The following COL11A2 variants were observed in gnomAD, a reference collection of about 807,000 sequenced individuals.
The protein encoded by COL11A2 is collagen alpha-2(XI) chain.
COL11A2 carries 116 observed loss-of-function variants against 273.4 expected under a neutral mutation model. The ratio of observed to expected loss-of-function variants is 0.42; its 90% CI spans 0.36 to 0.49. The LOEUF (loss-of-function observed/expected upper bound fraction) is 0.49. COL11A2 is among the 20% of genes least tolerant of loss of function. The probability of loss-of-function intolerance (pLI) is 0.00; values close to 1 mark genes in which losing one functional copy is unlikely to be tolerated. For synonymous variants in COL11A2, 782 were observed against 864.2 expected, an observed-to-expected ratio of 0.90 and a Z score of 1.67; for missense variants, 1,866 against 2,309.0, an observed-to-expected ratio of 0.81 and a Z score of 3.93.
chr6:33,171,455 G>T lies in COL11A2; in HGVS notation c.3258+12C>A, dbSNP rs1259307696. On this transcript the variant is annotated intron_variant, in intron 43 of 65. Coordinates refer to ENST00000341947, the MANE Select transcript of COL11A2 (RefSeq NM_080680.3). Reference sequence around the variant, plus strand: ...GAAAGAAGATTGGTCGGGGTCTGTGGGGTCCCCTCACCTTGTCTCCATCCT... The same window carrying T: ...GAAAGAAGATTGGTCGGGGTCTGTGTGGTCCCCTCACCTTGTCTCCATCCT... 1 of 1,613,076 alleles carries T rather than the reference G, an allele frequency of 6.2e-7. No individual in the cohort carries two copies. The highest frequency in any genetic ancestry group is 1.7e-5 in the Admixed American group (1 of 59,934).
chr6:33,172,168 G>C, intron 40 of COL11A2, 65 bp from the exon 41 acceptor site: 1 of 1,602,834 alleles, frequency 6.2e-7, no homozygotes, highest in Non-Finnish European at 8.5e-7. Flanking sequence ...GCTGGAGAGG[G>C]AAGACAGGCT....
Position 33,175,698 on chromosome 6 carries a change from G to A in COL11A2, c.2269-17C>T, listed in dbSNP as rs1770804414. 2 of 1,607,110 alleles carry A rather than the reference G, an allele frequency of 1.2e-6. No homozygotes were observed. The highest frequency in any genetic ancestry group is 1.7e-6 in the Non-Finnish European group (2 of 1,174,644). On this transcript the variant is annotated splice_polypyrimidine_tract_variant and intron_variant, in intron 29 of 65. Transcript: ENST00000341947. ...AACTTCGCCCTGTGTGAGAGGGAAGGACAGGTGAGTGCTGGGGACTGGAGG... is the reference window on the plus strand; with the variant it reads ...AACTTCGCCCTGTGTGAGAGGGAAGAACAGGTGAGTGCTGGGGACTGGAGG...
rs1562380065 is a variant in COL11A2 at position 33,185,762 on chromosome 6, T to C, written c.815A>G (p.Tyr272Cys). The C allele has an allele frequency of 3.0e-6, 4 of 1,345,100 alleles. No individual in the cohort carries two copies. Among genetic ancestry groups the C allele is most frequent in the African/African-American group, 1.6e-5 (1 of 63,586 alleles). The allele number at this position is 1,345,100 out of a possible 1,614,324, so 83.3% of individuals were successfully genotyped here. Residue 272 changes from tyrosine (Y) to cysteine (C), a missense_variant, in exon 6 of 66, where the codon TAC becomes TGC. By Grantham distance (194) the Tyr-to-Cys change is radical. Coordinates refer to ENST00000341947, the MANE Select transcript of COL11A2 (RefSeq NM_080680.3). Reference protein sequence around the residue: ...EPQSQPTESLYYDYEPPYYDV... With the variant: ...EPQSQPTESLCYDYEPPYYDV... The stretch of plus-strand genomic sequence containing the variant: ...ATAATAGGGGGGCTCGTAGTCATAG[T>C]AGAGAGACTCAGTGGGCTGGGATTG...
Position 33,178,740 on chromosome 6 carries a change from G to A in COL11A2, c.1666-8C>T. 2 of 1,612,748 alleles carry A rather than the reference G, an allele frequency of 1.2e-6. No individual in the cohort carries two copies. The highest frequency in any genetic ancestry group is 2.2e-5 in the South Asian group (2 of 91,078). On this transcript the variant is annotated splice_region_variant and splice_polypyrimidine_tract_variant and intron_variant, in intron 17 of 65. Transcript: ENST00000341947. This position sits in a 1 kb window ranked among gnomAD's most constrained non-coding sequence, Gnocchi z 4.6. Reference sequence around the variant, plus strand: ...ATCAAAACCTCGGTCACCCTAGGAGGAGGAAGGATAGCCAGAGTGAGGACA... The same window carrying A: ...ATCAAAACCTCGGTCACCCTAGGAGAAGGAAGGATAGCCAGAGTGAGGACA...
Position 33,169,956 on chromosome 6 carries a change from A to G in COL11A2, c.3637-72T>C. On this transcript the variant is annotated intron_variant, in intron 49 of 65. Transcript: ENST00000341947. The surrounding 1 kb of genome is among the most constrained non-coding windows in gnomAD (Gnocchi z 5.5). ...AAAATTCTGATATTCCCCACATCTCATTCTCTTTTGTCTCCCCACCCAAAA... is the reference window on the plus strand; with the variant it reads ...AAAATTCTGATATTCCCCACATCTCGTTCTCTTTTGTCTCCCCACCCAAAA... The G allele has an allele frequency of 1.2e-6, 2 of 1,611,674 alleles. No homozygotes were observed. Among genetic ancestry groups the G allele is most frequent in the Non-Finnish European group, 8.5e-7 (1 of 1,177,962 alleles).
chr6:33,192,206 A>C lies in COL11A2; in HGVS notation c.35T>G (p.Leu12Arg), dbSNP rs1189654522. ...ERCSRCHRLL[L>R]LLPLVLGLSA... is the part of the protein sequence containing the mutation. Reference sequence around the variant, plus strand: ...CAGCCCCAGCACCAGAGGTAGGAGGAGGAGGAGGCGATGGCAGCGGCTGCA... The same window carrying C: ...CAGCCCCAGCACCAGAGGTAGGAGGCGGAGGAGGCGATGGCAGCGGCTGCA... Residue 12 changes from leucine to arginine, a missense_variant, in exon 1 of 66, where the codon CTC becomes CGC. Transcript: ENST00000341947. The C allele has an allele frequency of 1.3e-6, 2 of 1,566,642 alleles. No homozygotes were observed. Among genetic ancestry groups the C allele is most frequent in the African/African-American group, 2.7e-5 (2 of 74,166 alleles).
Position 33,164,951 on chromosome 6 carries a change from G to A in COL11A2, c.4764C>T (p.Val1588=), listed in dbSNP as rs771029067. The change falls in exon 64 of 66, where the codon GTC becomes GTT. Residue 1588 remains valine, a synonymous_variant. Transcript: ENST00000341947. The surrounding 1 kb of genome is among the most constrained non-coding windows in gnomAD (Gnocchi z 4.7). ...CCCGAGCACAGCCCTGGTTGGGGTC[G>A]ACCCAGTACTCTCCTGTTGGGTGAG... ...HPELPDGEYW[V]DPNQGCARDA... is the part of the protein sequence containing the mutation. 6.3e-6 allele frequency: 10 copies of A among 1,574,874 alleles called. No individual in the cohort carries two copies. Among genetic ancestry groups the A allele is most frequent in the Middle Eastern group, 1.7e-4 (1 of 6,040 alleles).
chr6:33,172,204 A>C, intron 40 of COL11A2, 85 bp downstream of exon 40: 2 of 1,270,198 alleles, frequency 1.6e-6, no homozygotes, highest in Non-Finnish European at 2.3e-6. Context: ...GGGGAGTGAC[A>C]TGGAGGGGGT....
intron 8 of COL11A2, 55 bp downstream of exon 8, chr6:33,184,090 A>T: frequency 7.4e-7 from 1 of 1,342,802 alleles, no homozygotes; most frequent in South Asian, 1.1e-5. Flanking sequence ...ACAAGAAGCA[A>T]TTCTTGTAGC....
At position 33,169,053 on chromosome 6, in the gene COL11A2, C is replaced by G. The variant is rs1478674500; in HGVS notation, c.3799-45G>C. On this transcript the variant is annotated intron_variant, in intron 51 of 65. Coordinates refer to ENST00000341947, the MANE Select transcript of COL11A2 (RefSeq NM_080680.3). The surrounding 1 kb of genome is among the most constrained non-coding windows in gnomAD (Gnocchi z 5.5). The stretch of plus-strand genomic sequence containing the variant: ...AGAGTCAGGGTCACAGCTCCCTAAG[C>G]CCACCCAGCACAGACGCCCACAGGC... 2 of 1,572,896 alleles carry G rather than the reference C, an allele frequency of 1.3e-6. No individual in the cohort carries two copies. The highest frequency in any genetic ancestry group is 4.5e-5 in the East Asian group (2 of 44,548).
At position 33,169,017 on chromosome 6, in the gene COL11A2, G is replaced by C. The variant is rs762361602; in HGVS notation, c.3799-9C>G. On this transcript the variant is annotated splice_polypyrimidine_tract_variant and intron_variant, in intron 51 of 65. Coordinates refer to ENST00000341947, the MANE Select transcript of COL11A2 (RefSeq NM_080680.3). The surrounding 1 kb of genome is among the most constrained non-coding windows in gnomAD (Gnocchi z 5.5). ...GGAAAACCAACAGGACCCTGATCCA[G>C]ATGGAGAATAAGAGTCAGGGTCACA... is the stretch of plus-strand genomic sequence containing the variant. 1.9e-6 allele frequency: 3 copies of C among 1,605,500 alleles called. No homozygotes were observed. The South Asian group carries it at 3.3e-5, about 18-fold the overall frequency.
rs1768708495 is a variant in COL11A2, at chr6:33,163,953, G to C, written c.5071-135C>G. 2 of 1,341,786 alleles carry C rather than the reference G, an allele frequency of 1.5e-6. No homozygotes were observed. Among genetic ancestry groups the C allele is most frequent in the Non-Finnish European group, 2.1e-6 (2 of 947,852 alleles). The allele number at this position is 1,341,786 out of a possible 1,614,324, so 83.1% of individuals were successfully genotyped here. A position where few individuals can be genotyped will look rare whatever the true frequency, so the allele number is the denominator to read the frequency against. On this transcript the variant is annotated intron_variant, in intron 65 of 65. Transcript: ENST00000341947. The surrounding 1 kb of genome is among the most constrained non-coding windows in gnomAD (Gnocchi z 4.1). ...GACTCAGGATGTACAGACTGGCAGT[G>C]TCTATGTGCCCATGCGTGTGTGTTT...
chr6:33,171,937 G>T, intron 41 of COL11A2, 113 bp downstream of exon 41: 1 of 1,536,470 alleles, frequency 6.5e-7, no homozygotes, highest in Non-Finnish European at 9.0e-7. Context: ...GCTGTCCCTG[G>T]ACAGCCTCTG....
rs148243956 is a variant in COL11A2 at position 33,178,361 on chromosome 6, G to A, written c.1774-9C>T. The A allele has an allele frequency of 2.9e-4, 474 of 1,612,808 alleles. 1 individual carries two copies. In the African/African-American group the frequency reaches 5.3e-3, roughly 18 times the overall value. ...ATCTCCCCGTCATCTCCCTGGAGGAGGAGGACACGGTAAAGCTGCTGTGCC... is the reference window on the plus strand; with the variant it reads ...ATCTCCCCGTCATCTCCCTGGAGGAAGAGGACACGGTAAAGCTGCTGTGCC... On this transcript the variant is annotated splice_polypyrimidine_tract_variant and intron_variant, in intron 19 of 65. Coordinates refer to ENST00000341947, the MANE Select transcript of COL11A2 (RefSeq NM_080680.3). The surrounding 1 kb of genome is among the most constrained non-coding windows in gnomAD (Gnocchi z 4.6).
chr6:33,175,367 C>G (rs148787484), intron 30 of COL11A2: 2 of 691,664 alleles, frequency 2.9e-6, no homozygotes, highest in Non-Finnish European at 5.3e-6. Context: ...CCGTCCAACT[C>G]TTCGTGTCAG....
Position 33,173,775 on chromosome 6 carries a change from G to C in COL11A2, c.2584-30C>G, listed in dbSNP as rs763840966. On this transcript the variant is annotated intron_variant, in intron 34 of 65. Coordinates refer to ENST00000341947, the MANE Select transcript of COL11A2 (RefSeq NM_080680.3). The surrounding 1 kb of genome is among the most constrained non-coding windows in gnomAD (Gnocchi z 6.3). ...GGGGGGAAACAGAGTCAAGGAGTGGGAAGAGCTGCTTTCCAGCTGTCCCCG... is the reference window on the plus strand; with the variant it reads ...GGGGGGAAACAGAGTCAAGGAGTGGCAAGAGCTGCTTTCCAGCTGTCCCCG... 1 of 1,606,530 alleles carries C rather than the reference G, an allele frequency of 6.2e-7. No individual in the cohort carries two copies. Among genetic ancestry groups the C allele is most frequent in the East Asian group, 2.2e-5 (1 of 44,696 alleles).
At chr6:33,185,859 T>C (rs965364197) in intron 5 of COL11A2, 81 bp from the exon 6 acceptor site, 5 of 490,882 alleles carry the variant, frequency 1.0e-5, no homozygotes, top group Non-Finnish European at 2.1e-5. Flanking sequence ...GAGGGAGATA[T>C]AAAGATGGTG....
intron 32 of COL11A2, 31 bp downstream of exon 32, chr6:33,174,134 C>G: frequency 6.2e-7 from 1 of 1,601,184 alleles, no homozygotes; most frequent in Non-Finnish European, 8.5e-7. Flanking sequence ...CCAGCCCTTC[C>G]CTTCTCACGC....
Position 33,170,726 on chromosome 6 carries a change from C to G in COL11A2, c.3474+84G>C. On this transcript the variant is annotated intron_variant, in intron 46 of 65. Transcript: ENST00000341947. The surrounding 1 kb of genome is among the most constrained non-coding windows in gnomAD (Gnocchi z 4.3). ...ACTCCGCAGGCCCTCCAGTCTGCAT[C>G]GGCAGGCTGCTGGCAGAGTCTGGGG... 6.3e-7 allele frequency: 1 copy of G among 1,579,856 alleles called. No individual in the cohort carries two copies. Among genetic ancestry groups the G allele is most frequent in the Non-Finnish European group, 8.7e-7 (1 of 1,150,046 alleles).
Sources: gnomAD v4.1 joint callset for allele counts on GRCh38, gnomAD v4.1.1 for gene constraint, Gnocchi (gnomAD v3.1) non-coding constraint, MANE v1.5 for transcripts, NCBI Gene and HGNC (gene_info 2026-07-23, HGNC 2026-07-21) for gene names.